The following LOC128462377 variants were observed in gnomAD, a reference collection of about 807,000 sequenced individuals.
the LOC128462377 span, among the ~76,000 whole-genome samples, chr16:89,376,967 G>T: frequency 6.6e-6 from 1 of 152,212 alleles, no homozygotes; most frequent in South Asian, 2.1e-4. Flanking sequence ...AACACCAGCT[G>T]CCAGGTATTT....
chr16:89,341,684 T>TCA, the LOC128462377 span, among the ~76,000 whole-genome samples: 3 of 152,226 alleles, frequency 2.0e-5, no homozygotes, highest in African/African-American at 2.4e-5. Context: ...TTTAATCCCC[T>TCA]CACACACCTA....
the LOC128462377 span, among the ~76,000 whole-genome samples, chr16:89,343,108 C>G: frequency 6.6e-6 from 1 of 152,186 alleles, no homozygotes; most frequent in Non-Finnish European, 1.5e-5. Flanking sequence ...GCAGCCTCAG[C>G]CTCCCGAGTA....
chr16:89,402,354 G>C, the LOC128462377 span, among the ~76,000 whole-genome samples: 5 of 152,210 alleles, frequency 3.3e-5, no homozygotes, highest in East Asian at 9.6e-4. Context: ...GCCACAATAA[G>C]GTATCTGGGA....
the LOC128462377 span, among the ~76,000 whole-genome samples, chr16:89,347,851 T>C: frequency 1.3e-5 from 2 of 152,152 alleles, no homozygotes; most frequent in African/African-American, 4.8e-5. Flanking sequence ...TCAGTGGGTG[T>C]TTCTCAGAAC....
the LOC128462377 span, among the ~76,000 whole-genome samples, chr16:89,388,138 T>C: frequency 2.6e-5 from 4 of 151,968 alleles, no homozygotes; most frequent in Non-Finnish European, 5.9e-5. Context: ...AATGCTAACA[T>C]CATACATAAA....
the LOC128462377 span, among the ~76,000 whole-genome samples, chr16:89,367,284 G>A: frequency 1.3e-5 from 2 of 152,232 alleles, no homozygotes; most frequent in African/African-American, 2.4e-5. Context: ...GACTCCTGCC[G>A]CAGGGGCCAG....
At chr16:89,346,280 C>T in the LOC128462377 span, among the ~76,000 whole-genome samples, 8 of 145,934 alleles carry the variant, frequency 5.5e-5, no homozygotes, top group Admixed American at 4.8e-4. Flanking sequence ...AGAATCAACA[C>T]AACAGAGAAA....
At chr16:89,387,628 G>A in the LOC128462377 span, among the ~76,000 whole-genome samples, 1 of 146,742 alleles carries the variant, frequency 6.8e-6, no homozygotes, top group African/African-American at 2.5e-5. Context: ...AGCCGAGACT[G>A]CACCACTGCA....
the LOC128462377 span, among the ~76,000 whole-genome samples, chr16:89,377,439 CAAG>C: frequency 8.1e-5 from 12 of 147,388 alleles, 1 homozygote; most frequent in African/African-American, 2.8e-4. Context: ...AACAGCCAAT[CAAG>C]GAGATCATGA....
the LOC128462377 span, among the ~76,000 whole-genome samples, chr16:89,344,019 G>A: frequency 6.6e-6 from 1 of 152,178 alleles, no homozygotes; most frequent in African/African-American, 2.4e-5. Context: ...TATCGGTGCA[G>A]GCGGCCAGCC....
the LOC128462377 span, among the ~76,000 whole-genome samples, chr16:89,366,355 C>A: frequency 2.0e-5 from 3 of 152,234 alleles, no homozygotes; most frequent in South Asian, 6.2e-4. Context: ...AGTAATGAGA[C>A]TGCTGGGTCA....
chr16:89,377,049 G>A, the LOC128462377 span, among the ~76,000 whole-genome samples: 1 of 152,202 alleles, frequency 6.6e-6, no homozygotes, highest in Non-Finnish European at 1.5e-5. Context: ...CGTGAAGTCA[G>A]GAAGTACCTT....
the LOC128462377 span, among the ~76,000 whole-genome samples, chr16:89,349,133 G>GAAAAAAAAAAAAAAAAAAAAAAAAAAA: frequency 6.3e-4 from 1 of 1,576 alleles, no homozygotes; most frequent in African/African-American, 4.3e-3. Flanking sequence ...GTCTCAAAAA[G>GAAAAAAAAAAAAAAAAAAAAAAAAAAA]TAAAAAAAAA....
the LOC128462377 span, among the ~76,000 whole-genome samples, chr16:89,401,740 T>C: frequency 6.6e-6 from 1 of 152,146 alleles, no homozygotes; most frequent in Non-Finnish European, 1.5e-5. Context: ...CCCACAGAAC[T>C]AGCTTCCTTC....
chr16:89,318,385 CGTCA>C, the LOC128462377 span, among the ~76,000 whole-genome samples: 2 of 152,240 alleles, frequency 1.3e-5, no homozygotes, highest in East Asian at 1.9e-4. Context: ...CTCGCCGCAC[CGTCA>C]GTTAGAAAAC....
the LOC128462377 span, among the ~76,000 whole-genome samples, chr16:89,341,938 CTCCTCCACGA>C: frequency 4.6e-5 from 7 of 150,876 alleles, no homozygotes; most frequent in African/African-American, 1.7e-4. Flanking sequence ...AGTGCTGCAC[CTCCTCCACGA>C]ACAGCAGCCA....
the LOC128462377 span, chr16:89,324,681 T>G: frequency 8.4e-6 from 3 of 358,886 alleles, no homozygotes; most frequent in Non-Finnish European, 1.6e-5. Flanking sequence ...CTTCCTGCCC[T>G]CGAACATCAG....
chr16:89,415,511 G>A, the LOC128462377 span, among the ~76,000 whole-genome samples: 37 of 143,758 alleles, frequency 2.6e-4, 2 homozygotes, highest in African/African-American at 7.2e-4. Flanking sequence ...TGATCCACCC[G>A]CCTCGGCCTC....
the LOC128462377 span, chr16:89,343,850 A>G: frequency 1.3e-5 from 2 of 152,272 alleles, no homozygotes; most frequent in Non-Finnish European, 2.9e-5. Context: ...CGCAGGCGGT[A>G]AGGCTCCGCT....
Sources: allele counts gnomAD v4.1 joint callset (sites outside exome capture counted in the v4.1 genomes callset), GRCh38; gene constraint gnomAD v4.1.1; transcripts MANE v1.5.